The following HFM1 variants were observed in gnomAD, a reference collection of about 807,000 sequenced individuals.
HFM1 encodes the protein helicase for meiosis 1.
HFM1 carries 169 observed loss-of-function variants against 192.1 expected under a neutral mutation model. The observed-to-expected ratio is 0.88, with a 90% CI of 0.78 to 1.00. HFM1 has a LOEUF of 1.00. Among genes scored for constraint, HFM1 ranks in the 50% least tolerant of loss-of-function variants. The pLI, the probability that HFM1 is intolerant of heterozygous loss-of-function variation, is 0.00. For synonymous variants in HFM1, 525 were observed against 537.8 expected (o/e 0.98, Z 0.33); for missense variants, 1,661 against 1,668.0 (o/e 1.00, Z 0.07).
At chr1:91,303,160 A>C (rs1443063772) in intron 30 of HFM1, among the ~76,000 whole-genome samples, 1 of 152,150 alleles carries the variant, frequency 6.6e-6, no homozygotes, top group Non-Finnish European at 1.5e-5. Context: ...CCATATAACT[A>C]TTATTAGTCA....
chr1:91,354,427 T>C (rs282062), intron 13 of HFM1, among the ~76,000 whole-genome samples: 151,956 of 152,140 alleles, frequency 1, 75,886 homozygotes, highest in Non-Finnish European at 1. Context: ...GTTTATTTAA[T>C]AAAATAATTG....
At chr1:91,289,373 C>A (rs1351724577) in intron 30 of HFM1, among the ~76,000 whole-genome samples, 2 of 150,352 alleles carry the variant, frequency 1.3e-5, no homozygotes, top group Non-Finnish European at 3.0e-5. Context: ...TCCTCACTTC[C>A]CAGACTGGGC....
intron 20 of HFM1, among the ~76,000 whole-genome samples, chr1:91,332,390 G>A (rs902982613): frequency 1.3e-5 from 2 of 152,040 alleles, no homozygotes; most frequent in Admixed American, 6.6e-5. Flanking sequence ...TGAGAAAACT[G>A]GATATCCACA....
At chr1:91,396,169 G>A in intron 3 of HFM1, 124 bp downstream of exon 3, 1 of 474,604 alleles carries the variant, frequency 2.1e-6, no homozygotes, top group Admixed American at 3.9e-5. Context: ...TACATATTTT[G>A]GGGGCATATG....
intron 13 of HFM1, among the ~76,000 whole-genome samples, chr1:91,360,374 G>GA (rs1658333305): frequency 6.6e-6 from 1 of 151,862 alleles, no homozygotes; most frequent in South Asian, 2.1e-4. Context: ...ATGGAAAACA[G>GA]AAAAAAGCAA....
intron 13 of HFM1, among the ~76,000 whole-genome samples, chr1:91,368,106 C>T (rs1429026449): frequency 6.6e-6 from 1 of 152,008 alleles, no homozygotes; most frequent in Non-Finnish European, 1.5e-5. Flanking sequence ...GTGAAAAGAC[C>T]AAAACTACAT....
chr1:91,277,014 C>A lies in HFM1; in HGVS notation c.3440G>T (p.Cys1147Phe), dbSNP rs1248741457. The A allele has an allele frequency of 3.8e-6, 6 of 1,598,796 alleles. No homozygotes were observed. The highest frequency in any genetic ancestry group is 5.1e-6 in the Non-Finnish European group (6 of 1,172,924). The change falls in exon 31 of 39, where the codon TGT becomes TTT. Residue 1147 changes from cysteine to phenylalanine, a missense_variant. By Grantham distance (205) the Cys-to-Phe change is radical. Transcript: ENST00000370425. ...KPGNRECNHL[C>F]KSKHTCGHDC... ...ATGTCCACATGTATGTTTACTTTTACAAAGATGATTGCATTCTCGGTTCCC... is the reference window on the plus strand; with the variant it reads ...ATGTCCACATGTATGTTTACTTTTAAAAAGATGATTGCATTCTCGGTTCCC...
chr1:91,305,563 ATTTC>A (rs1194672432), intron 30 of HFM1, among the ~76,000 whole-genome samples: 1 of 151,712 alleles, frequency 6.6e-6, no homozygotes, highest in East Asian at 1.9e-4. Context: ...CAATTTATTT[ATTTC>A]TTTTTTTTTC....
At chr1:91,338,685 G>A (rs1031490646) in intron 20 of HFM1, among the ~76,000 whole-genome samples, 6 of 152,106 alleles carry the variant, frequency 3.9e-5, no homozygotes, top group Non-Finnish European at 7.4e-5. Flanking sequence ...CATGGTGCAC[G>A]GACCTTGTCA....
intron 20 of HFM1, chr1:91,328,307 G>A (rs979047934): frequency 5.8e-6 from 8 of 1,368,358 alleles, no homozygotes; most frequent in Non-Finnish European, 7.9e-6. Context: ...CGCCTGCCCA[G>A]GGCAACCCTG....
At position 91,394,148 on chromosome 1, in the gene HFM1, T is replaced by G; in HGVS notation, c.439A>C (p.Lys147Gln). The part of the protein sequence containing the change: ...APEKSVPDDT[K>Q]LVNFAEDKGE... ...TTATCTTCTGCAAAATTAACTAATT[T>G]TGTATCATCAGGAACACTCTTCTCA... The change falls in exon 4 of 39, where the codon AAA becomes CAA. Residue 147 changes from lysine (K) to glutamine (Q), a missense_variant. Coordinates refer to ENST00000370425, the MANE Select transcript of HFM1 (RefSeq NM_001017975.6). 1 of 1,607,922 alleles carries G rather than the reference T, an allele frequency of 6.2e-7. No individual in the cohort carries two copies. Among genetic ancestry groups the G allele is most frequent in the South Asian group, 1.1e-5 (1 of 90,100 alleles).
chr1:91,304,339 C>T (rs933312537), intron 30 of HFM1, among the ~76,000 whole-genome samples: 2 of 152,128 alleles, frequency 1.3e-5, no homozygotes, highest in Admixed American at 1.3e-4. Context: ...CATCTTAAGT[C>T]CAATTCATCT....
At chr1:91,286,939 T>C (rs1410915472) in intron 30 of HFM1, among the ~76,000 whole-genome samples, 1 of 152,186 alleles carries the variant, frequency 6.6e-6, no homozygotes, top group Non-Finnish European at 1.5e-5. Flanking sequence ...ACCCGAATAC[T>C]GCGCTTTTCC....
intron 8 of HFM1, 131 bp downstream of exon 8, chr1:91,379,973 G>C (rs1661361371): frequency 2.3e-6 from 1 of 430,990 alleles, no homozygotes; most frequent in Admixed American, 4.3e-5. Flanking sequence ...TGACAAATAA[G>C]ACCAGACTTT....
chr1:91,379,305 A>G, intron 8 of HFM1, 91 bp from the exon 9 acceptor site: 1 of 919,778 alleles, frequency 1.1e-6, no homozygotes, highest in Admixed American at 2.4e-5. Flanking sequence ...CATAAAAAAT[A>G]CACATCTACA....
chr1:91,357,675 C>T (rs1050066836), intron 13 of HFM1, among the ~76,000 whole-genome samples: 1 of 152,078 alleles, frequency 6.6e-6, no homozygotes, highest in African/African-American at 2.4e-5. Flanking sequence ...TCTTTATTTG[C>T]AGACAACATT....
rs548873578 is a variant in HFM1, at chr1:91,380,455, A to G, written c.874-219T>C. Among the ~76,000 whole-genome samples, 7 of 152,246 alleles carry G rather than the reference A, an allele frequency of 4.6e-5. No homozygotes were observed. The East Asian group carries it at 1.4e-3, about 29-fold the overall frequency. On this transcript the variant is annotated intron_variant, in intron 7 of 38. Coordinates refer to ENST00000370425, the MANE Select transcript of HFM1 (RefSeq NM_001017975.6). ...CTGTTTTATTTGTCAATGTAGACCTAGGAGAAAATCATTCCTGGCTGAGTG... is the reference window on the plus strand; with the variant it reads ...CTGTTTTATTTGTCAATGTAGACCTGGGAGAAAATCATTCCTGGCTGAGTG...
In HFM1 at chr1:91,389,597, C is replaced by T. The variant is rs556210159; in HGVS notation, c.495-3763G>A. On this transcript the variant is annotated intron_variant, in intron 4 of 38. Coordinates refer to ENST00000370425, the MANE Select transcript of HFM1 (RefSeq NM_001017975.6). Reference sequence around the variant, plus strand: ...GGGAGAACATAACTAGGAAGAGGGTCGTCATCAAGAACCCAACAATGCTGG... The same window carrying T: ...GGGAGAACATAACTAGGAAGAGGGTTGTCATCAAGAACCCAACAATGCTGG... Among the ~76,000 whole-genome samples the T allele has an allele frequency of 3.8e-4, 58 of 152,242 alleles. 1 individual carries two copies. The South Asian group carries it at 9.8e-3, about 26-fold the overall frequency.
At chr1:91,307,504 G>A (rs1037529272) in intron 30 of HFM1, among the ~76,000 whole-genome samples, 2 of 152,040 alleles carry the variant, frequency 1.3e-5, no homozygotes, top group Admixed American at 1.3e-4. Context: ...CCAGGCTGGA[G>A]TGCAGTAGTG....
Sources: allele counts gnomAD v4.1 joint callset (sites outside exome capture counted in the v4.1 genomes callset), GRCh38; gene constraint gnomAD v4.1.1; transcripts MANE v1.5; gene names NCBI Gene and HGNC (gene_info 2026-07-23, HGNC 2026-07-21).